The following GPR161 variants were observed in gnomAD, a reference collection of about 807,000 sequenced individuals.
GPR161 encodes the protein G protein-coupled receptor 161.
In GPR161, 25 loss-of-function variants were observed where a neutral mutation model predicts 39.2. The ratio of observed to expected loss-of-function variants is 0.64; its 90% CI spans 0.47 to 0.89. The LOEUF is 0.89. GPR161 is among the 40% of genes least tolerant of loss of function. The pLI, the probability that GPR161 is intolerant of heterozygous loss-of-function variation, is 0.00. For missense variants in GPR161, 547 were observed against 677.8 expected, an observed-to-expected ratio of 0.81 and a Z score of 2.14; for synonymous variants, 286 against 276.6, an observed-to-expected ratio of 1.03 and a Z score of -0.34.
chr1:168,098,415 G>A lies in GPR161; in HGVS notation c.375-1183C>T, dbSNP rs556933158. On this transcript the variant is annotated intron_variant, in intron 2 of 5. Transcript: ENST00000682931. The surrounding 1 kb of genome is among the most constrained non-coding windows in gnomAD (Gnocchi z 4.1). ...AGTCAACCACCACCCTCCCAACCCC[G>A]ACATTTTATCCAAGGGAAATAGGAT... Among the ~76,000 whole-genome samples, 26 of 152,336 alleles carry A rather than the reference G, an allele frequency of 1.7e-4. No individual in the cohort carries two copies. The highest frequency in any genetic ancestry group is 5.3e-4 in the African/African-American group (22 of 41,570).
intron 3 of GPR161, among the ~76,000 whole-genome samples, chr1:168,091,931 T>C (rs1436947281): frequency 6.6e-6 from 1 of 151,368 alleles, no homozygotes; most frequent in African/African-American, 2.5e-5. Flanking sequence ...TATGATACAC[T>C]CACAGATAGG....
chr1:168,136,532 C>G, intron 1 of GPR161: 1 of 1,265,588 alleles, frequency 7.9e-7, no homozygotes, highest in Non-Finnish European at 9.9e-7. Context: ...ACAAAGAGCT[C>G]CAGCTCTCCA....
At chr1:168,094,826 C>T (rs939811665) in intron 3 of GPR161, among the ~76,000 whole-genome samples, 2 of 152,188 alleles carry the variant, frequency 1.3e-5, no homozygotes, top group African/African-American at 4.8e-5. Context: ...CTCAAAACTA[C>T]ACAGTAAAAA....
At chr1:168,136,475 C>A in intron 1 of GPR161, 1 of 1,267,806 alleles carries the variant, frequency 7.9e-7, no homozygotes, top group South Asian at 2.7e-5. Flanking sequence ...GTGGGCCTCT[C>A]AGAAGCCCCA....
At chr1:168,116,227 C>T (rs991329789) in intron 1 of GPR161, among the ~76,000 whole-genome samples, 2 of 152,318 alleles carry the variant, frequency 1.3e-5, no homozygotes, top group African/African-American at 2.4e-5. Flanking sequence ...TCAATTCTTA[C>T]GAAGAGCTGA....
At chr1:168,131,576 C>A (rs1353368688) in intron 1 of GPR161, among the ~76,000 whole-genome samples, 8 of 151,574 alleles carry the variant, frequency 5.3e-5, no homozygotes, top group Admixed American at 3.9e-4. Context: ...AAAGGAAAAG[C>A]AGAAATTTAA....
intron 1 of GPR161, among the ~76,000 whole-genome samples, chr1:168,113,697 G>T (rs1697404097): frequency 6.6e-6 from 1 of 152,238 alleles, no homozygotes; most frequent in African/African-American, 2.4e-5. Flanking sequence ...CAAGGATGGA[G>T]TTGGAGGCTG....
chr1:168,101,815 CT>C (rs927230292), intron 2 of GPR161, among the ~76,000 whole-genome samples: 15 of 151,876 alleles, frequency 9.9e-5, no homozygotes, highest in Admixed American at 2.6e-4. Context: ...CTTTTCTTTT[CT>C]TTTTTTTCAG....
chr1:168,136,140 C>A (rs1699340976), intron 1 of GPR161: 1 of 1,262,676 alleles, frequency 7.9e-7, no homozygotes, highest in African/African-American at 1.5e-5. Context: ...TCCCGCAGAT[C>A]TGAGGGGCAG....
Position 168,121,059 on chromosome 1 carries a change from G to A in GPR161, c.-45+15680C>T, listed in dbSNP as rs565238412. On this transcript the variant is annotated intron_variant, in intron 1 of 5. Coordinates refer to ENST00000682931, the MANE Select transcript of GPR161 (RefSeq NM_001375883.1). Reference sequence around the variant, plus strand: ...TTTAACTTCTCTGTCCAAAGGGATTGGATGAAGGAAGCCAGCTATTTCCAC... The same window carrying A: ...TTTAACTTCTCTGTCCAAAGGGATTAGATGAAGGAAGCCAGCTATTTCCAC... Among the ~76,000 whole-genome samples, 9 of 152,276 alleles carry A rather than the reference G, an allele frequency of 5.9e-5. No homozygotes were observed. The South Asian group carries it at 1.2e-3, about 21-fold the overall frequency.
At position 168,097,130 on chromosome 1, in the gene GPR161, G is replaced by A. The variant is rs750369415; in HGVS notation, c.477C>T (p.Cys159=). 1.9e-6 allele frequency: 3 copies of A among 1,613,796 alleles called. No homozygotes were observed. Among genetic ancestry groups the A allele is most frequent in the Non-Finnish European group, 2.5e-6 (3 of 1,180,042 alleles). The change falls in exon 3 of 6, where the codon TGC becomes TGT. Residue 159 remains cysteine (C), a synonymous_variant. Coordinates refer to ENST00000682931, the MANE Select transcript of GPR161 (RefSeq NM_001375883.1). ...ATGACCAACCAAACAGGGGTGGCAG[G>A]CAGCCGATGAGCGAGTGAAGCCAGA... is the stretch of plus-strand genomic sequence containing the variant. The part of the protein sequence containing the change: ...VYIWLHSLIG[C]LPPLFGWSSV...
chr1:168,115,722 G>A (rs1483988638), intron 1 of GPR161, among the ~76,000 whole-genome samples: 1 of 152,062 alleles, frequency 6.6e-6, no homozygotes, highest in East Asian at 1.9e-4. Flanking sequence ...TCTAATGAGG[G>A]TCCCCGGGAT....
chr1:168,136,570 A>G, intron 1 of GPR161, 169 bp downstream of exon 1: 1 of 1,243,300 alleles, frequency 8.0e-7, no homozygotes, highest in African/African-American at 1.6e-5. Context: ...GGCGGAGGAC[A>G]GCCCTGACCT....
chr1:168,119,209 TGTATACATATATATATAC>T (rs1697894293), intron 1 of GPR161, among the ~76,000 whole-genome samples: 1 of 117,414 alleles, frequency 8.5e-6, no homozygotes, highest in Non-Finnish European at 1.7e-5. Flanking sequence ...TATATATATA[TGTATACATATATATATAC>T]GTATATATAT....
intron 5 of GPR161, among the ~76,000 whole-genome samples, chr1:168,086,911 T>C (rs958164965): frequency 3.9e-5 from 6 of 152,188 alleles, no homozygotes; most frequent in African/African-American, 1.4e-4. Context: ...TTTATTTCCA[T>C]ATTCAACATT....
At chr1:168,121,164 C>T (rs527576165) in intron 1 of GPR161, among the ~76,000 whole-genome samples, 23 of 152,120 alleles carry the variant, frequency 1.5e-4, no homozygotes, top group Non-Finnish European at 1.9e-4. Context: ...GATGAGGAAA[C>T]TAAGACTTTG....
chr1:168,133,921 CCTAAAAAGACAGACATTTA>C, intron 1 of GPR161: 1 of 962,854 alleles, frequency 1.0e-6, no homozygotes, highest in Non-Finnish European at 1.2e-6. Flanking sequence ...CTGAAAAAGA[CCTAAAAAGACAGACATTTA>C]CAGTGGTTAT....
In GPR161 at chr1:168,093,585, C is replaced by G. The variant is rs145366815; in HGVS notation, c.1100-2917G>C. Among the ~76,000 whole-genome samples the G allele has an allele frequency of 4.6e-3, 706 of 152,348 alleles. 5 individuals are homozygous for G. The highest frequency in any genetic ancestry group is 0.015 in the South Asian group (70 of 4,826). On this transcript the variant is annotated intron_variant, in intron 3 of 5. Transcript: ENST00000682931. ...CCATACAAATTGAGAGGAACAGAAT[C>G]AAGAAAGAGCCTCCAAGTTGCTTCT...
At chr1:168,118,906 G>A (rs1056672233) in intron 1 of GPR161, among the ~76,000 whole-genome samples, 11 of 151,894 alleles carry the variant, frequency 7.2e-5, no homozygotes, top group African/African-American at 2.2e-4. Context: ...TATCCAGGAT[G>A]GCTACTATCA....
Sources: gnomAD v4.1 joint callset for allele counts (sites outside exome capture counted in the v4.1 genomes callset) on GRCh38, gnomAD v4.1.1 for gene constraint, Gnocchi (gnomAD v3.1) non-coding constraint, MANE v1.5 for transcripts, NCBI Gene and HGNC (gene_info 2026-07-23, HGNC 2026-07-21) for gene names.